IRAG2: variants seen among roughly 807,000 people sequenced by gnomAD.
IRAG2 encodes lymphoid restricted membrane protein.
A neutral mutation model predicts 69.9 loss-of-function variants in IRAG2; 45 were observed. The ratio of observed to expected loss-of-function variants is 0.64; its 90% confidence interval spans 0.51 to 0.83. The LOEUF is 0.83. IRAG2 is among the 40% of genes least tolerant of loss of function. IRAG2 has a pLI of 0.00. For synonymous variants in IRAG2, 193 were observed against 202.4 expected (o/e 0.95, Z 0.40); for missense variants, 520 against 587.0 (o/e 0.89, Z 1.18).
intron 7 of IRAG2, among the ~76,000 whole-genome samples, chr12:25,021,420 A>G (rs1469688046): frequency 3.9e-5 from 6 of 152,190 alleles, no homozygotes; most frequent in African/African-American, 1.4e-4. Flanking sequence ...ATTAAAAAAA[A>G]TCTGTGAAAC....
chr12:25,038,104 AAT>A lies in IRAG2; in HGVS notation c.2114_2115del (p.Tyr705PhefsTer18), dbSNP rs1187514728. On this transcript the variant is annotated frameshift_variant, in exon 16 of 39. Transcript: ENST00000636465. LOFTEE classifies it high-confidence loss of function. ...GAGATTTTGAAGAGATTCAGGCAGG[AAT>A]ATTTTTATTTCAGAAAAGAATTTCT... The A allele has an allele frequency of 2.5e-6, 1 of 398,752 alleles. No individual in the cohort carries two copies. The highest frequency in any genetic ancestry group is 4.4e-6 in the Non-Finnish European group (1 of 225,990). 24.7% of individuals were successfully genotyped at this position (398,752 alleles called of 1,614,324 possible).
At chr12:25,005,899 TTAAC>T (rs1944426685) in intron 2 of IRAG2, among the ~76,000 whole-genome samples, 1 of 152,110 alleles carries the variant, frequency 6.6e-6, no homozygotes, top group Admixed American at 6.5e-5. Flanking sequence ...CGGGACCTAA[TTAAC>T]CTCTGCACAG....
chr12:25,010,182 T>A (rs1243448740), intron 2 of IRAG2, among the ~76,000 whole-genome samples: 1 of 152,178 alleles, frequency 6.6e-6, no homozygotes, highest in Admixed American at 6.5e-5. Context: ...ACAAATAAAA[T>A]AATGCAATTC....
At chr12:25,096,680 G>T (rs1565584510) in intron 14 of IRAG2, among the ~76,000 whole-genome samples, 1 of 152,064 alleles carries the variant, frequency 6.6e-6, no homozygotes, top group African/African-American at 2.4e-5. Flanking sequence ...AGAAAAAAGG[G>T]ATCAAGAATA....
chr12:25,094,371 C>G (rs909152264), intron 14 of IRAG2, among the ~76,000 whole-genome samples: 6 of 151,896 alleles, frequency 4.0e-5, no homozygotes, highest in African/African-American at 7.3e-5. Flanking sequence ...ATTCTTGGCA[C>G]CCTGGTTGAA....
chr12:25,060,146 A>G (rs59043190), intron 1 of IRAG2, among the ~76,000 whole-genome samples: 2,114 of 152,276 alleles, frequency 0.014, 45 homozygotes, highest in African/African-American at 0.048. Flanking sequence ...AGGCAGTCAA[A>G]CTGGTGAAAA....
chr12:25,090,708 G>A (rs910464886), intron 14 of IRAG2: 1 of 354,364 alleles, frequency 2.8e-6, no homozygotes, highest in Non-Finnish European at 5.6e-6. Flanking sequence ...GGATCAGGCT[G>A]AAATAAAAGT....
intron 10 of IRAG2, among the ~76,000 whole-genome samples, chr12:25,031,508 A>AT (rs1252389331): frequency 6.6e-6 from 1 of 152,130 alleles, no homozygotes; most frequent in Non-Finnish European, 1.5e-5. Context: ...TGCAAGACTG[A>AT]TTTTTTTCTT....
At chr12:25,068,444 CT>C (rs940254010) in intron 5 of IRAG2, among the ~76,000 whole-genome samples, 3 of 152,094 alleles carry the variant, frequency 2.0e-5, no homozygotes, top group Non-Finnish European at 4.4e-5. Flanking sequence ...AAGTGCTGTC[CT>C]TTCAGGTTTT....
At chr12:25,092,610 A>G (rs1168792377) in intron 14 of IRAG2, 2 of 151,106 alleles carry the variant, frequency 1.3e-5, no homozygotes, top group Non-Finnish European at 3.0e-5. Flanking sequence ...AAGGTAACAT[A>G]GTAGCATAAG....
chr12:25,064,000 A>G (rs974629998), intron 4 of IRAG2, among the ~76,000 whole-genome samples, 184 bp downstream of exon 4: 2 of 152,178 alleles, frequency 1.3e-5, no homozygotes, highest in Non-Finnish European at 2.9e-5. Context: ...CATATTATGC[A>G]TGATAAAGAA....
chr12:25,062,834 G>A lies in IRAG2; in HGVS notation c.-370G>A, dbSNP rs1014219914. On this transcript the variant is annotated 5_prime_UTR_variant, in exon 3 of 22. Coordinates refer to ENST00000556887, the MANE Select transcript of IRAG2 (RefSeq NM_001366544.2). ...TCTCTTGACAGAGCTTTTTAGATGA[G>A]GAATTTCCTCACTATGATTCCCTGT... 7 of 398,784 alleles carry A rather than the reference G, an allele frequency of 1.8e-5. No homozygotes were observed. The highest frequency in any genetic ancestry group is 2.7e-5 in the Non-Finnish European group (6 of 226,008). The allele number at this position is 398,784 out of a possible 1,614,324, so 24.7% of individuals were successfully genotyped here.
chr12:25,097,238 T>TAAC (rs10686292), intron 15 of IRAG2, among the ~76,000 whole-genome samples, 194 bp downstream of exon 15: 64,587 of 152,140 alleles, frequency 0.42, 16,943 homozygotes, highest in African/African-American at 0.74. Context: ...AAAAATATAA[T>TAAC]ACGATCCAGT....
At chr12:25,039,731 C>A (rs1037983908) in intron 16 of IRAG2, among the ~76,000 whole-genome samples, 5 of 152,006 alleles carry the variant, frequency 3.3e-5, no homozygotes, top group Admixed American at 6.6e-5. Flanking sequence ...CACCCGGCAA[C>A]ATTCTTCTAT....
chr12:25,044,719 G>T (rs937815136), intron 16 of IRAG2, among the ~76,000 whole-genome samples: 1 of 151,932 alleles, frequency 6.6e-6, no homozygotes, highest in African/African-American at 2.4e-5. Flanking sequence ...AAGAAAATAC[G>T]ATATCTACAC....
upstream of IRAG2, chr12:25,052,446 C>G: frequency 3.3e-6 from 1 of 302,370 alleles, no homozygotes; most frequent in African/African-American, 2.5e-5. Flanking sequence ...CAACAACAAA[C>G]AAAAAAAAAA....
At chr12:25,101,120 A>G (rs967782082) in intron 15 of IRAG2, 58 bp from the exon 16 acceptor site, 24 of 1,452,728 alleles carry the variant, frequency 1.7e-5, no homozygotes, top group Non-Finnish European at 2.3e-5. Flanking sequence ...TTTAATCACC[A>G]TCTTTTAATT....
chr12:25,011,445 G>A (rs993356512), exon 3 of IRAG2: 13 of 1,231,528 alleles, frequency 1.1e-5, no homozygotes, highest in East Asian at 3.2e-5. Flanking sequence ...CAGTGGCCTT[G>A]AGCAGTTGTG....
upstream of IRAG2, among the ~76,000 whole-genome samples, chr12:25,002,482 A>G (rs1944398314): frequency 6.6e-6 from 1 of 152,250 alleles, no homozygotes; most frequent in Admixed American, 6.5e-5. Flanking sequence ...ATCCAAGAAT[A>G]GAAGACAACA....
Sources: allele counts gnomAD v4.1 joint callset (sites outside exome capture counted in the v4.1 genomes callset), GRCh38; gene constraint gnomAD v4.1.1; transcripts MANE v1.5; gene names NCBI Gene and HGNC (gene_info 2026-07-23, HGNC 2026-07-21).